Variants in STIM1 observed in about 807,000 individuals in gnomAD.
STIM1 encodes stromal interaction molecule 1.
STIM1 carries 25 observed loss-of-function variants against 74.7 expected under a neutral mutation model. The observed-to-expected ratio is 0.33, with a 90% CI of 0.24 to 0.47. The LOEUF is 0.47. Among genes scored for constraint, STIM1 ranks in the 20% least tolerant of loss-of-function variants. STIM1 has a pLI of 1.00. For missense variants in STIM1, 728 were observed against 920.8 expected (o/e 0.79, Z 2.71); for synonymous variants, 328 against 348.8 (o/e 0.94, Z 0.66).
At chr11:3,872,385 G>A (rs1242585783) in intron 1 of STIM1, among the ~76,000 whole-genome samples, 1 of 152,160 alleles carries the variant, frequency 6.6e-6, no homozygotes, top group Non-Finnish European at 1.5e-5. Flanking sequence ...AACAGGAAAA[G>A]TGTGGCTACA....
chr11:4,039,212 A>G (rs573320772), intron 3 of STIM1, among the ~76,000 whole-genome samples: 127 of 152,252 alleles, frequency 8.3e-4, no homozygotes, highest in African/African-American at 2.9e-3. Flanking sequence ...GGATCACTTG[A>G]GCCCCAGAGG....
At chr11:3,859,867 A>G (rs1590498756) in intron 1 of STIM1, among the ~76,000 whole-genome samples, 1 of 152,224 alleles carries the variant, frequency 6.6e-6, no homozygotes, top group African/African-American at 2.4e-5. Flanking sequence ...CCAGGATATA[A>G]TCTGCTCCCA....
chr11:4,053,121 A>G (rs1475497356), intron 3 of STIM1, among the ~76,000 whole-genome samples: 1 of 152,240 alleles, frequency 6.6e-6, no homozygotes, highest in Non-Finnish European at 1.5e-5. Flanking sequence ...GAACCCTTTT[A>G]CACTGTTGGT....
intron 1 of STIM1, among the ~76,000 whole-genome samples, chr11:3,862,682 G>A (rs947541479): frequency 2.2e-4 from 33 of 151,888 alleles, no homozygotes; most frequent in African/African-American, 8.0e-4. Context: ...TCCTGACCTC[G>A]TGATCTGTCC....
chr11:3,987,894 C>A (rs1215803507), intron 2 of STIM1, among the ~76,000 whole-genome samples: 3 of 151,924 alleles, frequency 2.0e-5, no homozygotes, highest in Non-Finnish European at 2.9e-5. Flanking sequence ...CTAAATCCCC[C>A]CTCTTAGAGT....
chr11:4,086,161 T>C (rs958953898), intron 11 of STIM1: 1 of 423,944 alleles, frequency 2.4e-6, no homozygotes, highest in Non-Finnish European at 4.3e-6. Context: ...TCCCGGACCT[T>C]ATCCCAAGCC....
At chr11:3,960,730 A>G (rs1377962305) in intron 1 of STIM1, among the ~76,000 whole-genome samples, 1 of 152,220 alleles carries the variant, frequency 6.6e-6, no homozygotes, top group East Asian at 1.9e-4. Context: ...GTCTTTTCCA[A>G]CTGCATATCT....
At chr11:3,870,913 G>T (rs545103943) in intron 1 of STIM1, among the ~76,000 whole-genome samples, 1 of 125,228 alleles carries the variant, frequency 8.0e-6, no homozygotes, top group African/African-American at 3.1e-5. Context: ...TTGCTCTGTC[G>T]CCAGGCTGGA....
intron 1 of STIM1, among the ~76,000 whole-genome samples, chr11:3,957,802 G>A (rs2093234939): frequency 6.6e-6 from 1 of 152,044 alleles, no homozygotes; most frequent in African/African-American, 2.4e-5. Context: ...TTGGCCTCAT[G>A]TGATCTTCCT....
rs2094484128 is a variant in STIM1, at chr11:4,084,870, G to C, written c.1567+105G>C. On this transcript the variant is annotated intron_variant, in intron 11 of 12. Coordinates refer to ENST00000526596, the MANE Select transcript of STIM1 (RefSeq NM_001382567.1). ...TCCTGCCTGCTTCACGCCCCTGCCT[G>C]CTCCCTCTATCCCCTCAGCACTGTC... 8 of 886,916 alleles carry C rather than the reference G, an allele frequency of 9.0e-6. No individual in the cohort carries two copies. In the South Asian group the frequency reaches 1.1e-4, roughly 12 times the overall value. The allele number at this position is 886,916 out of a possible 1,614,324, so 54.9% of individuals were successfully genotyped here.
rs148463734 is a variant in STIM1, at chr11:3,974,132, C to G, written c.270+6450C>G. 2.0e-5 allele frequency: 13 copies of G among 652,140 alleles called. No individual in the cohort carries two copies. The East Asian group carries it at 3.6e-4, about 18-fold the overall frequency. The allele number at this position is 652,140 out of a possible 1,614,324, so 40.4% of individuals were successfully genotyped here. ...CACAGTCTGTGAGTGCTCCCTGTTG[C>G]TCAGAATGGCTCATTGGACCCTCAC... On this transcript the variant is annotated intron_variant, in intron 2 of 12. Coordinates refer to ENST00000526596, the MANE Select transcript of STIM1 (RefSeq NM_001382567.1).
chr11:3,919,871 G>T (rs552282601), intron 1 of STIM1, among the ~76,000 whole-genome samples: 1 of 152,038 alleles, frequency 6.6e-6, no homozygotes, highest in African/African-American at 2.4e-5. Context: ...TTAGTCCAAG[G>T]GTTCAAGACC....
chr11:4,043,242 T>G (rs1468003027), intron 3 of STIM1, among the ~76,000 whole-genome samples: 1 of 151,672 alleles, frequency 6.6e-6, no homozygotes, highest in Non-Finnish European at 1.5e-5. Flanking sequence ...AAACAGGAGG[T>G]TTTATTGATT....
Position 3,961,337 on chromosome 11 carries a change from G to C in STIM1, c.140-6215G>C, listed in dbSNP as rs2093283007. 3 of 243,686 alleles carry C rather than the reference G, an allele frequency of 1.2e-5. No homozygotes were observed. In the East Asian group the frequency reaches 3.2e-4, roughly 26 times the overall value. 15.1% of individuals were successfully genotyped at this position (243,686 alleles called of 1,614,324 possible). A position where few individuals can be genotyped will look rare whatever the true frequency, so the allele number is the denominator to read the frequency against. ...GAAGATGTGAGGAAGCTGAAAACAA[G>C]ACCAGATGAGGAAGGACTGAAACAA... On this transcript the variant is annotated intron_variant, in intron 1 of 12. Transcript: ENST00000526596.
At chr11:4,015,328 G>GA (rs1315354569) in intron 2 of STIM1, among the ~76,000 whole-genome samples, 1 of 152,214 alleles carries the variant, frequency 6.6e-6, no homozygotes, top group African/African-American at 2.4e-5. Context: ...GGCTGGATAT[G>GA]AAATTCTGGG....
At chr11:3,981,608 A>C (rs1389858938) in intron 2 of STIM1, among the ~76,000 whole-genome samples, 1 of 152,196 alleles carries the variant, frequency 6.6e-6, no homozygotes, top group African/African-American at 2.4e-5. Flanking sequence ...TGGACTTGTG[A>C]GTTCCCTGTC....
chr11:3,892,893 A>G (rs2091941128), intron 1 of STIM1: 1 of 1,476,058 alleles, frequency 6.8e-7, no homozygotes, highest in Non-Finnish European at 9.5e-7. Flanking sequence ...ACCACGGCTG[A>G]TAGTACGGGG....
At chr11:3,993,937 TG>T (rs1416256627) in intron 2 of STIM1, among the ~76,000 whole-genome samples, 2 of 152,228 alleles carry the variant, frequency 1.3e-5, no homozygotes, top group Non-Finnish European at 2.9e-5. Context: ...TTCACTGCTA[TG>T]TCTCCAGTAC....
At chr11:3,896,645 T>G (rs2092186941) in intron 1 of STIM1, among the ~76,000 whole-genome samples, 1 of 152,162 alleles carries the variant, frequency 6.6e-6, no homozygotes, top group South Asian at 2.1e-4. Context: ...TAGGGATAGA[T>G]AGAGACATGG....
Sources: allele counts gnomAD v4.1 joint callset (sites outside exome capture counted in the v4.1 genomes callset), GRCh38; gene constraint gnomAD v4.1.1; transcripts MANE v1.5; gene names NCBI Gene and HGNC (gene_info 2026-07-23, HGNC 2026-07-21).